NRG1: variants seen among roughly 807,000 people sequenced by gnomAD.
The protein encoded by NRG1 is pro-neuregulin-1, membrane-bound isoform.
A neutral mutation model predicts 63.8 loss-of-function variants in NRG1; 18 were observed. That is an observed-to-expected ratio of 0.28 (90% CI 0.19 to 0.42). The LOEUF is 0.42. Among genes scored for constraint, NRG1 ranks in the 10% least tolerant of loss-of-function variants. The pLI, the probability that NRG1 is intolerant of heterozygous loss-of-function variation, is 1.00. For synonymous variants in NRG1, 302 were observed against 301.3 expected (o/e 1.00, Z -0.02); for missense variants, 762 against 814.7 (o/e 0.94, Z 0.79).
intron 1 of NRG1, among the ~76,000 whole-genome samples, chr8:32,528,459 T>C (rs1205309824): frequency 6.6e-6 from 1 of 152,200 alleles, no homozygotes; most frequent in Non-Finnish European, 1.5e-5. Context: ...ATCTAGTTTA[T>C]TGAGTAGTAC....
intron 1 of NRG1, among the ~76,000 whole-genome samples, chr8:32,419,232 C>A (rs1329330990): frequency 6.6e-6 from 1 of 152,170 alleles, no homozygotes; most frequent in African/African-American, 2.4e-5. Flanking sequence ...ACTTTCTGTT[C>A]CAGCTCCACT....
chr8:32,168,250 A>C (rs1563863240), intron 1 of NRG1, among the ~76,000 whole-genome samples: 1 of 152,218 alleles, frequency 6.6e-6, no homozygotes, highest in Non-Finnish European at 1.5e-5. Context: ...GGAAAACTCC[A>C]AAGGAAGGAT....
At chr8:32,266,223 C>T (rs985226331) in intron 1 of NRG1, among the ~76,000 whole-genome samples, 5 of 152,234 alleles carry the variant, frequency 3.3e-5, no homozygotes, top group Non-Finnish European at 5.9e-5. Flanking sequence ...CTTTGGTTTT[C>T]ATATAAAAAC....
At chr8:32,535,404 T>C (rs903469363) in intron 1 of NRG1, among the ~76,000 whole-genome samples, 2 of 152,236 alleles carry the variant, frequency 1.3e-5, no homozygotes, top group Non-Finnish European at 2.9e-5. Context: ...AAAGTTTATA[T>C]AGCATTCACC....
intron 1 of NRG1, among the ~76,000 whole-genome samples, chr8:32,424,034 A>G (rs897916130): frequency 7.9e-5 from 12 of 152,188 alleles, no homozygotes; most frequent in African/African-American, 2.9e-4. Context: ...CTTTCTAGAT[A>G]ACCATCCAGA....
intron 1 of NRG1, among the ~76,000 whole-genome samples, chr8:32,031,644 T>G (rs935203731): frequency 1.3e-5 from 2 of 152,118 alleles, no homozygotes; most frequent in Non-Finnish European, 2.9e-5. Flanking sequence ...CCAGTGTGTG[T>G]TGTTCCCCTC....
intron 2 of NRG1, among the ~76,000 whole-genome samples, chr8:32,601,201 T>C (rs1844294492): frequency 6.6e-6 from 1 of 152,122 alleles, no homozygotes; most frequent in Admixed American, 6.5e-5. Flanking sequence ...TAAATTTCTA[T>C]TGAATTGCAA....
chr8:32,183,218 A>G (rs955512460), intron 1 of NRG1, among the ~76,000 whole-genome samples: 1 of 152,118 alleles, frequency 6.6e-6, no homozygotes, highest in Non-Finnish European at 1.5e-5. Flanking sequence ...CTAGCCCTTT[A>G]TTAGAAATGC....
chr8:31,718,591 T>C (rs13272572), intron 1 of NRG1, among the ~76,000 whole-genome samples: 43,680 of 152,134 alleles, frequency 0.29, 7,288 homozygotes, highest in Non-Finnish European at 0.36. Context: ...TATCTCTTGA[T>C]ACTCACAAAT....
intron 7 of NRG1, among the ~76,000 whole-genome samples, chr8:32,746,199 C>T (rs1827390672): frequency 6.6e-6 from 1 of 151,920 alleles, no homozygotes; most frequent in African/African-American, 2.4e-5. Context: ...TTTCAAAGGG[C>T]CCAGTGACAC....
At position 31,931,309 on chromosome 8, in the gene NRG1, TC is replaced by T. The variant is rs535372760; in HGVS notation, c.37+291884del. ...AAATAAATAAATAAATAAATGACAC[TC>T]CCCCCAAAAAAGAGGAACTAAAAAA... On this transcript the variant is annotated intron_variant, in intron 1 of 10. Coordinates refer to the NRG1 transcript ENST00000519301. Among the ~76,000 whole-genome samples, 33 of 151,076 alleles carry T rather than the reference TC, an allele frequency of 2.2e-4. 1 individual carries two copies. The East Asian group carries it at 6.1e-3, about 28-fold the overall frequency.
intron 1 of NRG1, among the ~76,000 whole-genome samples, chr8:31,880,046 G>A (rs1272613685): frequency 6.6e-6 from 1 of 152,066 alleles, no homozygotes; most frequent in Admixed American, 6.6e-5. Context: ...TTTCCGGTGA[G>A]GTTGCAGAGA....
intron 1 of NRG1, among the ~76,000 whole-genome samples, chr8:32,341,128 T>C (rs1804019004): frequency 6.6e-6 from 1 of 152,226 alleles, no homozygotes; most frequent in African/African-American, 2.4e-5. Flanking sequence ...TCCAACAGGA[T>C]AGGTCTATAG....
intron 1 of NRG1, among the ~76,000 whole-genome samples, chr8:31,786,295 T>C (rs1275298246): frequency 6.6e-6 from 1 of 152,226 alleles, no homozygotes; most frequent in Admixed American, 6.5e-5. Context: ...TTTGTTAATG[T>C]AGGAAAAACT....
At chr8:32,746,417 A>G (rs1349050150) in intron 7 of NRG1, among the ~76,000 whole-genome samples, 1 of 152,126 alleles carries the variant, frequency 6.6e-6, no homozygotes, top group Non-Finnish European at 1.5e-5. Context: ...AAAGAGAAAA[A>G]TCCTAAATGT....
At position 31,778,763 on chromosome 8, in the gene NRG1, G is replaced by T. The variant is rs116040713; in HGVS notation, c.37+139332G>T. Among the ~76,000 whole-genome samples the T allele has an allele frequency of 4.4e-3, 668 of 152,254 alleles. 6 individuals are homozygous for T. The highest frequency in any genetic ancestry group is 0.015 in the African/African-American group (638 of 41,558). ...CTATGCTGAAGTGCATTTTGCCTAT[G>T]GAGAAATGACTGGTTTTTGGGAAGC... On this transcript the variant is annotated intron_variant, in intron 1 of 10. Coordinates refer to the NRG1 transcript ENST00000519301.
chr8:32,071,099 C>G (rs1586888577), intron 1 of NRG1, among the ~76,000 whole-genome samples: 1 of 152,252 alleles, frequency 6.6e-6, no homozygotes, highest in South Asian at 2.1e-4. Context: ...CTCAACCAGC[C>G]CATCATTCTC....
At chr8:31,778,379 C>T (rs1436321370) in intron 1 of NRG1, among the ~76,000 whole-genome samples, 4 of 152,138 alleles carry the variant, frequency 2.6e-5, no homozygotes, top group African/African-American at 9.7e-5. Flanking sequence ...TTATATATAC[C>T]AGGCATGGGA....
At chr8:31,642,048 G>C (rs568689317) in intron 1 of NRG1, among the ~76,000 whole-genome samples, 1 of 152,152 alleles carries the variant, frequency 6.6e-6, no homozygotes, top group Non-Finnish European at 1.5e-5. Context: ...TGTTAGGATT[G>C]CACCACTCAG....
Sources: allele counts gnomAD v4.1 joint callset (sites outside exome capture counted in the v4.1 genomes callset), GRCh38; gene constraint gnomAD v4.1.1; transcripts MANE v1.5; gene names NCBI Gene and HGNC (gene_info 2026-07-23, HGNC 2026-07-21).